The following PTPRN2 variants were observed in gnomAD, a reference collection of about 807,000 sequenced individuals.
The protein encoded by PTPRN2 is receptor-type tyrosine-protein phosphatase N2.
PTPRN2 carries 74 observed loss-of-function variants against 118.8 expected under a neutral mutation model. That is an observed-to-expected ratio of 0.62 (90% confidence interval 0.52 to 0.76). PTPRN2 has a LOEUF of 0.76. Ranked by LOEUF, PTPRN2 falls within the 30% of genes least tolerant of loss-of-function variation. The probability of loss-of-function intolerance (pLI) is 0.00; values close to 1 mark genes in which losing one functional copy is unlikely to be tolerated. For synonymous variants in PTPRN2, 641 were observed against 608.0 expected (o/e 1.05, Z -0.80); for missense variants, 1,481 against 1,394.4 (o/e 1.06, Z -0.99).
intron 22 of PTPRN2, among the ~76,000 whole-genome samples, chr7:157,544,873 G>A (rs1321662283): frequency 6.6e-6 from 1 of 152,004 alleles, no homozygotes; most frequent in Non-Finnish European, 1.5e-5. Flanking sequence ...GTGTGGATGT[G>A]CATCGTGTGT....
chr7:158,336,737 G>A (rs868680228), intron 2 of PTPRN2, among the ~76,000 whole-genome samples: 6,455 of 65,586 alleles, frequency 0.098, 1,111 homozygotes, highest in South Asian at 0.15. Context: ...GCTGACGCCC[G>A]CAGACGTCAC....
chr7:157,651,570 T>C (rs1805664754), intron 14 of PTPRN2, among the ~76,000 whole-genome samples: 1 of 152,148 alleles, frequency 6.6e-6, no homozygotes, highest in Non-Finnish European at 1.5e-5. Context: ...ATTAGTCACA[T>C]CGGGACGGTG....
intron 1 of PTPRN2, among the ~76,000 whole-genome samples, chr7:158,513,097 G>A (rs1441950743): frequency 6.6e-6 from 1 of 152,098 alleles, no homozygotes; most frequent in South Asian, 2.1e-4. Context: ...GGGAAGCGGG[G>A]TGAGGGGGAG....
At chr7:157,641,110 C>T (rs1804639139) in intron 14 of PTPRN2, among the ~76,000 whole-genome samples, 1 of 152,176 alleles carries the variant, frequency 6.6e-6, no homozygotes, top group African/African-American at 2.4e-5. Flanking sequence ...AGGGAGGTAG[C>T]TGAGGTCTGT....
chr7:158,168,822 C>T (rs1475399874), intron 5 of PTPRN2, among the ~76,000 whole-genome samples: 1 of 152,186 alleles, frequency 6.6e-6, no homozygotes, highest in African/African-American at 2.4e-5. Context: ...CAGCTGTCCT[C>T]ACCTCTAGGG....
chr7:158,095,029 T>G (rs1463833188), intron 10 of PTPRN2, among the ~76,000 whole-genome samples: 1 of 152,112 alleles, frequency 6.6e-6, no homozygotes, highest in Non-Finnish European at 1.5e-5. Context: ...GCATCCGTGG[T>G]GGGAGGAGCC....
rs11419691 is a variant in PTPRN2, at chr7:158,423,539, A to ATT, written c.163+66194_163+66195dup. Among the ~76,000 whole-genome samples, 1,463 of 148,212 alleles carry ATT rather than the reference A, an allele frequency of 9.9e-3. 7 individuals carry two copies. The highest frequency in any genetic ancestry group is 0.014 in the Non-Finnish European group (910 of 66,844). ...CAGAGATTAGCCCCTCTGGTTCCTC[A>ATT]TTTTTTTTTTTTGAGACAAAGTCTC... On this transcript the variant is annotated intron_variant, in intron 2 of 22. Coordinates refer to ENST00000389418, the MANE Select transcript of PTPRN2 (RefSeq NM_002847.5).
At chr7:158,499,753 G>C (rs946683022) in intron 1 of PTPRN2, among the ~76,000 whole-genome samples, 1 of 151,544 alleles carries the variant, frequency 6.6e-6, no homozygotes, top group African/African-American at 2.4e-5. Context: ...CCTGGGTGAC[G>C]GAGCAAGACT....
intron 2 of PTPRN2, among the ~76,000 whole-genome samples, chr7:158,483,574 G>A (rs1036557612): frequency 6.6e-6 from 1 of 152,176 alleles, no homozygotes; most frequent in Non-Finnish European, 1.5e-5. Context: ...CCAAATCTGA[G>A]AGGGACAAGC....
chr7:158,164,731 G>A (rs1399829531), intron 6 of PTPRN2, among the ~76,000 whole-genome samples: 2 of 152,172 alleles, frequency 1.3e-5, no homozygotes, highest in East Asian at 3.9e-4. Flanking sequence ...TGGGATAGGA[G>A]AGAGAAAAGG....
At position 157,903,186 on chromosome 7, in the gene PTPRN2, C is replaced by T. The variant is rs974781760; in HGVS notation, c.1724-4449G>A. Among the ~76,000 whole-genome samples the T allele has an allele frequency of 5.3e-5, 8 of 152,006 alleles. No homozygotes were observed. Among genetic ancestry groups the T allele is most frequent in the African/African-American group, 7.3e-5 (3 of 41,362 alleles). ...ACTACACTCATCAGAGAACCACATG[C>T]GCTCACATGGAAGTGGGGACCAGAC... On this transcript the variant is annotated intron_variant, in intron 11 of 22. Coordinates refer to ENST00000389418, the MANE Select transcript of PTPRN2 (RefSeq NM_002847.5). The surrounding 1 kb of genome is among the most constrained non-coding windows in gnomAD (Gnocchi z 4.2).
At position 158,324,306 on chromosome 7, in the gene PTPRN2, G is replaced by A. The variant is rs374632839; in HGVS notation, c.164-7374C>T. Among the ~76,000 whole-genome samples, 45 of 152,270 alleles carry A rather than the reference G, an allele frequency of 3.0e-4. No homozygotes were observed. In the East Asian group the frequency reaches 5.6e-3, roughly 19 times the overall value. The stretch of plus-strand genomic sequence containing the variant: ...GCATCTGGTACAGTGCCTTGCCCCC[G>A]GTGTGGACTAAAAGGATGTTAGTGA... On this transcript the variant is annotated intron_variant, in intron 2 of 22. Transcript: ENST00000389418.
intron 2 of PTPRN2, among the ~76,000 whole-genome samples, chr7:158,347,727 A>C (rs1318994080): frequency 1.3e-5 from 2 of 152,206 alleles, no homozygotes; most frequent in African/African-American, 2.4e-5. Context: ...TAATTCTTTC[A>C]ATCAATGAAC....
intron 1 of PTPRN2, among the ~76,000 whole-genome samples, chr7:158,556,038 T>A (rs1376824593): frequency 6.6e-6 from 1 of 152,172 alleles, no homozygotes; most frequent in Admixed American, 6.5e-5. Flanking sequence ...GATAGATAGA[T>A]ACCTAATAGG....
At chr7:158,422,501 T>C (rs1408769774) in intron 2 of PTPRN2, among the ~76,000 whole-genome samples, 2 of 152,016 alleles carry the variant, frequency 1.3e-5, no homozygotes, top group African/African-American at 4.8e-5. Flanking sequence ...TCAAAGAAAG[T>C]AAAATAAAAG....
intron 6 of PTPRN2, among the ~76,000 whole-genome samples, chr7:158,151,426 C>T (rs1585648798): frequency 6.6e-6 from 1 of 151,620 alleles, no homozygotes; most frequent in Admixed American, 6.6e-5. Context: ...CCACACCGCC[C>T]GCCTTTCTAT....
chr7:157,578,476 C>T (rs543163650), intron 17 of PTPRN2, among the ~76,000 whole-genome samples: 13 of 152,306 alleles, frequency 8.5e-5, no homozygotes, highest in African/African-American at 2.2e-4. Context: ...CTTCTCGAGG[C>T]GGTGCCGACA....
intron 22 of PTPRN2, among the ~76,000 whole-genome samples, chr7:157,546,628 A>G (rs888577181): frequency 1.3e-5 from 2 of 152,238 alleles, no homozygotes; most frequent in Non-Finnish European, 2.9e-5. Context: ...TTATGGCTGC[A>G]TAGTCTTCCA....
chr7:157,689,856 C>T (rs1238721937), intron 12 of PTPRN2, among the ~76,000 whole-genome samples: 1 of 151,542 alleles, frequency 6.6e-6, no homozygotes, highest in Non-Finnish European at 1.5e-5. Flanking sequence ...TGCAATTCGC[C>T]GCCCGCTGGG....
Sources: gnomAD v4.1 joint callset for allele counts (sites outside exome capture counted in the v4.1 genomes callset) on GRCh38, gnomAD v4.1.1 for gene constraint, Gnocchi (gnomAD v3.1) non-coding constraint, MANE v1.5 for transcripts, NCBI Gene and HGNC (gene_info 2026-07-23, HGNC 2026-07-21) for gene names.